PTPN11: variants seen among roughly 807,000 people sequenced by gnomAD.
The protein encoded by PTPN11 is tyrosine-protein phosphatase non-receptor type 11.
In PTPN11, 6 loss-of-function variants were observed where a neutral mutation model predicts 78.8. That is an observed-to-expected ratio of 0.08 (90% CI 0.04 to 0.15). PTPN11 has a LOEUF of 0.15. Ranked by LOEUF, PTPN11 falls within the 10% of genes least tolerant of loss-of-function variation. The pLI is 1.00. For missense variants in PTPN11, 386 were observed against 744.8 expected (o/e 0.52, Z 5.61); for synonymous variants, 221 against 263.5 (o/e 0.84, Z 1.56).
rs759487406 is a variant in PTPN11 at position 112,504,428 on chromosome 12, C to T, written c.1713-267C>T. On this transcript the variant is annotated intron_variant, in intron 14 of 15. Coordinates refer to ENST00000351677, the MANE Select transcript of PTPN11 (RefSeq NM_002834.5). This position sits in a 1 kb window ranked among gnomAD's most constrained non-coding sequence, Gnocchi z 4.7. ...CAGGCTGGTCTCAAACTCCTGACCT[C>T]GTGATCCACCCACCTGGGCCTCCCA... Among the ~76,000 whole-genome samples the T allele has an allele frequency of 3.9e-5, 6 of 152,176 alleles. No homozygotes were observed. The highest frequency in any genetic ancestry group is 7.3e-5 in the Non-Finnish European group (5 of 68,030).
At chr12:112,457,211 C>T in intron 6 of PTPN11, 2 of 393,552 alleles carry the variant, frequency 5.1e-6, no homozygotes, top group Admixed American at 3.0e-5. Flanking sequence ...GAGTTTGCCC[C>T]CATCCCCAGA....
chr12:112,441,354 C>A (rs1037717030), intron 1 of PTPN11, among the ~76,000 whole-genome samples: 3 of 151,912 alleles, frequency 2.0e-5, no homozygotes, highest in African/African-American at 7.3e-5. Flanking sequence ...CTCTGCCTCC[C>A]AGACTCAAGC....
intron 13 of PTPN11, among the ~76,000 whole-genome samples, chr12:112,498,321 C>T (rs1005745921): frequency 2.6e-5 from 4 of 152,048 alleles, no homozygotes; most frequent in Non-Finnish European, 5.9e-5. Flanking sequence ...ACAGTGAGCA[C>T]AGAGCGAAGT....
At chr12:112,471,647 A>G (rs1361032531) in intron 6 of PTPN11, among the ~76,000 whole-genome samples, 2 of 151,604 alleles carry the variant, frequency 1.3e-5, no homozygotes, top group African/African-American at 4.8e-5. Flanking sequence ...TTCATTGTAG[A>G]AAATTTAAGG....
In PTPN11 at chr12:112,459,908, TACACAC is replaced by T. The variant is rs56846748; in HGVS notation, c.756+3874_756+3879del. On this transcript the variant is annotated intron_variant, in intron 6 of 15. Coordinates refer to ENST00000351677, the MANE Select transcript of PTPN11 (RefSeq NM_002834.5). ...ATATCAGTCACATTTTCCTGATTGC[TACACAC>T]ACACACACACACACACACACACACA... 8.3e-4 allele frequency among the ~76,000 whole-genome samples: 122 copies of T among 146,970 alleles called. 1 individual carries two copies. The highest frequency in any genetic ancestry group is 2.5e-3 in the Admixed American group (36 of 14,602).
chr12:112,424,955 A>AT (rs1261645116), intron 1 of PTPN11, among the ~76,000 whole-genome samples: 1 of 58,180 alleles, frequency 1.7e-5, no homozygotes, highest in African/African-American at 6.3e-5. Flanking sequence ...TGTCAGGCTA[A>AT]TTGTGTGTGT....
At chr12:112,493,127 C>T (rs1184479502) in intron 13 of PTPN11, among the ~76,000 whole-genome samples, 1 of 148,570 alleles carries the variant, frequency 6.7e-6, no homozygotes, top group Non-Finnish European at 1.5e-5. Flanking sequence ...GCCACAATCT[C>T]GGCTCATTAC....
chr12:112,478,944 G>T (rs936132124), intron 9 of PTPN11, among the ~76,000 whole-genome samples: 3 of 152,126 alleles, frequency 2.0e-5, no homozygotes, highest in African/African-American at 7.2e-5. Context: ...TGTTGGCCAG[G>T]CTGGTTTTGG....
At chr12:112,499,638 G>A (rs1361155612) in intron 13 of PTPN11, among the ~76,000 whole-genome samples, 1 of 151,874 alleles carries the variant, frequency 6.6e-6, no homozygotes, top group Non-Finnish European at 1.5e-5. Flanking sequence ...AGTGCCCGGC[G>A]GGATAAGTTT....
At chr12:112,476,007 G>T (rs2038495792) in intron 7 of PTPN11, among the ~76,000 whole-genome samples, 2 of 151,530 alleles carry the variant, frequency 1.3e-5, no homozygotes, top group African/African-American at 4.9e-5. Flanking sequence ...GTTTCTCTAT[G>T]TTGCCCAGGC....
intron 6 of PTPN11, among the ~76,000 whole-genome samples, chr12:112,464,612 A>T (rs931819491): frequency 6.6e-6 from 1 of 152,078 alleles, no homozygotes; most frequent in African/African-American, 2.4e-5. Context: ...TTTAGTAGGG[A>T]TGGGATTTCT....
chr12:112,465,751 T>C (rs1462141925), intron 6 of PTPN11, among the ~76,000 whole-genome samples: 1 of 152,202 alleles, frequency 6.6e-6, no homozygotes. Flanking sequence ...TTTCAGGCTT[T>C]GTACCAAAGT....
intron 10 of PTPN11, among the ~76,000 whole-genome samples, chr12:112,485,888 G>C (rs2038666690): frequency 1.3e-5 from 2 of 151,930 alleles, no homozygotes; most frequent in Admixed American, 1.3e-4. Context: ...GGCTGAGGCA[G>C]GAGAATGGCT....
chr12:112,441,410 T>C (rs1370702475), intron 1 of PTPN11, among the ~76,000 whole-genome samples: 1 of 151,942 alleles, frequency 6.6e-6, no homozygotes, highest in Non-Finnish European at 1.5e-5. Flanking sequence ...TACAGGCATA[T>C]GCCACCACAC....
rs1228096685 is a variant in PTPN11 at position 112,502,377 on chromosome 12, G to T, written c.1712+121G>T. On this transcript the variant is annotated intron_variant, in intron 14 of 15. Transcript: ENST00000351677. ...ATGCCTTTCACTGGTGCACGTTCCT[G>T]TTGCCCTACTGTTAGTGTATCTGTG... The T allele has an allele frequency of 3.2e-5, 26 of 807,450 alleles. No homozygotes were observed. In the Admixed American group the frequency reaches 4.7e-4, roughly 15 times the overall value. 50.0% of individuals were successfully genotyped at this position (807,450 alleles called of 1,614,324 possible).
At chr12:112,443,575 C>T (rs952525392) in intron 1 of PTPN11, among the ~76,000 whole-genome samples, 7 of 151,782 alleles carry the variant, frequency 4.6e-5, no homozygotes, top group South Asian at 4.2e-4. Flanking sequence ...AGACTAGTCT[C>T]GAACTCCTGA....
chr12:112,497,262 A>G (rs1272828299), intron 13 of PTPN11, among the ~76,000 whole-genome samples: 12 of 152,168 alleles, frequency 7.9e-5, no homozygotes. Context: ...TTGCAACAGT[A>G]AACGAGCAAG....
intron 1 of PTPN11, among the ~76,000 whole-genome samples, chr12:112,428,392 TTG>T (rs2037656172): frequency 2.0e-5 from 3 of 146,434 alleles, no homozygotes; most frequent in African/African-American, 7.5e-5. Flanking sequence ...AAGCTGTGTG[TTG>T]TCTTTTTTTT....
At chr12:112,466,309 G>A (rs1408686797) in intron 6 of PTPN11, among the ~76,000 whole-genome samples, 3 of 152,194 alleles carry the variant, frequency 2.0e-5, no homozygotes, top group African/African-American at 7.2e-5. Flanking sequence ...AGAGGGAACA[G>A]CAAGTGCAAA....
Sources: gnomAD v4.1 joint callset for allele counts (sites outside exome capture counted in the v4.1 genomes callset) on GRCh38, gnomAD v4.1.1 for gene constraint, Gnocchi (gnomAD v3.1) non-coding constraint, MANE v1.5 for transcripts, NCBI Gene and HGNC (gene_info 2026-07-23, HGNC 2026-07-21) for gene names.